The following LRBA variants were observed in gnomAD, a reference collection of about 807,000 sequenced individuals.
LRBA encodes the protein LPS responsive beige-like anchor protein.
A neutral mutation model predicts 330.0 loss-of-function variants in LRBA; 176 were observed. The ratio of observed to expected loss-of-function variants is 0.53; its 90% CI spans 0.47 to 0.60. The LOEUF is 0.60. Ranked by LOEUF, LRBA falls within the 20% of genes least tolerant of loss-of-function variation. LRBA has a pLI of 0.00. For missense variants in LRBA, 3,259 were observed against 3,444.8 expected (o/e 0.95, Z 1.35); for synonymous variants, 1,230 against 1,193.0 (o/e 1.03, Z -0.64).
chr4:150,369,395 G>A (rs1474682833), intron 47 of LRBA, among the ~76,000 whole-genome samples: 1 of 152,148 alleles, frequency 6.6e-6, no homozygotes, highest in African/African-American at 2.4e-5. Context: ...GAAAGCACAA[G>A]AAGGTTGAAT....
chr4:150,944,105 C>T lies in LRBA; in HGVS notation c.217-15040G>A, dbSNP rs972923994. On this transcript the variant is annotated intron_variant, in intron 2 of 56. Transcript: ENST00000651943. ...CTCCAGCCAACATTTTGAATGCAAC[C>T]TCGTGACAGACCCTGAGTCAAAACT... Among the ~76,000 whole-genome samples the T allele has an allele frequency of 9.8e-5, 15 of 152,290 alleles. No homozygotes were observed. In the South Asian group the frequency reaches 1.9e-3, roughly 19 times the overall value.
intron 17 of LRBA, among the ~76,000 whole-genome samples, chr4:150,889,621 C>G (rs566476597): frequency 6.6e-6 from 1 of 152,224 alleles, no homozygotes; most frequent in South Asian, 2.1e-4. Context: ...TTACATGTTC[C>G]CTATGAGAAT....
At chr4:150,732,276 T>A (rs913181667) in intron 36 of LRBA, among the ~76,000 whole-genome samples, 3 of 152,116 alleles carry the variant, frequency 2.0e-5, no homozygotes, top group African/African-American at 7.2e-5. Context: ...TTATTTTTAA[T>A]TCCTAACAGA....
At chr4:150,488,664 T>G (rs1373239514) in intron 41 of LRBA, among the ~76,000 whole-genome samples, 1 of 151,282 alleles carries the variant, frequency 6.6e-6, no homozygotes, top group East Asian at 1.9e-4. Flanking sequence ...TCATGGAATT[T>G]TAACTTCAAT....
chr4:150,876,632 A>G (rs1754058396), intron 17 of LRBA, among the ~76,000 whole-genome samples: 1 of 152,230 alleles, frequency 6.6e-6, no homozygotes, highest in South Asian at 2.1e-4. Flanking sequence ...TAAGCAAAGG[A>G]GAAATAAATG....
intron 36 of LRBA, among the ~76,000 whole-genome samples, chr4:150,685,419 T>G (rs1471026518): frequency 4.0e-5 from 1 of 25,262 alleles, no homozygotes; most frequent in African/African-American, 1.5e-4. Context: ...TATATATATA[T>G]ATTTTTTTTT....
At chr4:150,805,739 A>G (rs1250136672) in intron 33 of LRBA, among the ~76,000 whole-genome samples, 1 of 152,022 alleles carries the variant, frequency 6.6e-6, no homozygotes, top group Non-Finnish European at 1.5e-5. Flanking sequence ...CACTCCATAA[A>G]TAGCATGGTT....
At chr4:150,608,360 T>A (rs11099770) in intron 37 of LRBA, among the ~76,000 whole-genome samples, 107,903 of 152,110 alleles carry the variant, frequency 0.71, 45,054 homozygotes, top group Non-Finnish European at 0.91. Flanking sequence ...AGGAGAAAGA[T>A]GGGGATGAAT....
At chr4:150,685,063 TA>T (rs1027580457) in intron 36 of LRBA, among the ~76,000 whole-genome samples, 16 of 151,884 alleles carry the variant, frequency 1.1e-4, no homozygotes, top group African/African-American at 3.9e-4. Context: ...TCTCAAGGTG[TA>T]AAAGAAGCAG....
rs57988391 is a variant in LRBA at position 150,777,972 on chromosome 4, CAAAAAAA to C, written c.5581-16132_5581-16126del. On this transcript the variant is annotated intron_variant, in intron 34 of 56. Transcript: ENST00000651943. ...CTGGAGACAGAGTGAGACTCTGTTT[CAAAAAAA>C]AAAAAAAAAAAAAAAAAAAACTAGG... Among the ~76,000 whole-genome samples, 121 of 65,624 alleles carry C rather than the reference CAAAAAAA, an allele frequency of 1.8e-3. 1 individual carries two copies. In the South Asian group the frequency reaches 0.03, roughly 16 times the overall value. 43.1% of individuals were successfully genotyped at this position (65,624 alleles called of 152,430 possible). A position where few individuals can be genotyped will look rare whatever the true frequency, so the allele number is the denominator to read the frequency against.
In LRBA at chr4:150,466,170, C is replaced by T. The variant is rs1755430864; in HGVS notation, c.6780+1503G>A. Among the ~76,000 whole-genome samples, 5 of 152,144 alleles carry T rather than the reference C, an allele frequency of 3.3e-5. No homozygotes were observed. The South Asian group carries it at 1.0e-3, about 32-fold the overall frequency. On this transcript the variant is annotated intron_variant, in intron 44 of 56. Transcript: ENST00000651943. ...TGTTTGTCATGAGGAAAATGTTAAC[C>T]TTCGTTTTGACATCCTCGGTAACTA...
At chr4:150,460,936 T>C (rs1399304636) in intron 44 of LRBA, among the ~76,000 whole-genome samples, 1 of 151,870 alleles carries the variant, frequency 6.6e-6, no homozygotes, top group African/African-American at 2.4e-5. Context: ...TTCTTTCACA[T>C]CTTCAGAAAC....
intron 2 of LRBA, among the ~76,000 whole-genome samples, chr4:150,971,266 G>C (rs1739552897): frequency 6.6e-6 from 1 of 152,056 alleles, no homozygotes; most frequent in African/African-American, 2.4e-5. Flanking sequence ...AAGTAGTCCT[G>C]GCAGGGACAT....
intron 40 of LRBA, among the ~76,000 whole-genome samples, chr4:150,564,569 CA>C (rs1281853265): frequency 6.6e-6 from 1 of 152,056 alleles, no homozygotes; most frequent in African/African-American, 2.4e-5. Flanking sequence ...TTCTGCACAG[CA>C]AAAGAAACTA....
chr4:150,669,013 A>T (rs1781817190), intron 37 of LRBA, among the ~76,000 whole-genome samples: 1 of 152,258 alleles, frequency 6.6e-6, no homozygotes, highest in South Asian at 2.1e-4. Flanking sequence ...ACATATAGAG[A>T]TAGCAAAACC....
Position 150,583,311 on chromosome 4 carries a change from G to C in LRBA, c.6330+4737C>G. 1 of 1,614,198 alleles carries C rather than the reference G, an allele frequency of 6.2e-7. No homozygotes were observed. The highest frequency in any genetic ancestry group is 1.7e-5 in the Admixed American group (1 of 60,034). ...TCAACTTCGTGGACGACGGCTCGCT[G>C]CCCGGCTGCGCAGTGCTCAAACTGA... On this transcript the variant is annotated intron_variant, in intron 40 of 56. Coordinates refer to ENST00000651943, the MANE Select transcript of LRBA (RefSeq NM_001364905.1). This position sits in a 1 kb window ranked among gnomAD's most constrained non-coding sequence, Gnocchi z 9.8.
At chr4:151,002,944 G>A (rs903422473) in intron 2 of LRBA, among the ~76,000 whole-genome samples, 1 of 151,998 alleles carries the variant, frequency 6.6e-6, no homozygotes, top group Admixed American at 6.6e-5. Context: ...AGCCCAGGAG[G>A]TGGAGGTTGC....
rs568803528 is a variant in LRBA, at chr4:150,717,261, A to C, written c.5754+17997T>G. On this transcript the variant is annotated intron_variant, in intron 36 of 56. Coordinates refer to ENST00000651943, the MANE Select transcript of LRBA (RefSeq NM_001364905.1). ...AGAATTCAGAAAAACAAGTGGTACT[A>C]TAGAAGTGTTTATTTTTAAAAATTT... 4.0e-4 allele frequency among the ~76,000 whole-genome samples: 61 copies of C among 152,318 alleles called. No individual in the cohort carries two copies. In the South Asian group the frequency reaches 0.012, roughly 30 times the overall value.
chr4:150,292,650 T>C (rs968038442), intron 53 of LRBA, among the ~76,000 whole-genome samples: 1 of 152,198 alleles, frequency 6.6e-6, no homozygotes, highest in Non-Finnish European at 1.5e-5. Flanking sequence ...CTTAATAATA[T>C]TTATTGAGTT....
Sources: allele counts gnomAD v4.1 joint callset (sites outside exome capture counted in the v4.1 genomes callset), GRCh38; gene constraint gnomAD v4.1.1; non-coding constraint Gnocchi (gnomAD v3.1); transcripts MANE v1.5; gene names NCBI Gene and HGNC (gene_info 2026-07-23, HGNC 2026-07-21).